The following RYR1 variants were observed in gnomAD, a reference collection of about 807,000 sequenced individuals.
RYR1 encodes the protein central core disease of muscle.
Under a neutral mutation model 583.5 loss-of-function variants are expected in RYR1, and 342 were observed. The observed-to-expected ratio is 0.59, with a 90% CI of 0.54 to 0.64. The LOEUF is 0.64. Ranked by LOEUF, RYR1 falls within the 30% of genes least tolerant of loss-of-function variation. The pLI is 0.00. For synonymous variants in RYR1, 2,791 were observed against 2,822.5 expected (o/e 0.99, Z 0.35); for missense variants, 6,032 against 6,917.2 (o/e 0.87, Z 4.54).
In RYR1 at chr19:38,518,401, TAA is replaced by T. The variant is rs10714494; in HGVS notation, c.10018+731_10018+732del. On this transcript the variant is annotated intron_variant, in intron 66 of 105. Transcript: ENST00000359596. ...ATGGTGAAACCTCGTCTCTATTATT[TAA>T]AAAAAAAAAAAAAAAAAAAAGAAAT... Among the ~76,000 whole-genome samples, 574 of 113,782 alleles carry T rather than the reference TAA, an allele frequency of 5.0e-3. 3 individuals carry two copies. The highest frequency in any genetic ancestry group is 0.017 in the African/African-American group (500 of 29,930). The allele number at this position is 113,782 out of a possible 152,430, so 74.6% of individuals were successfully genotyped here. A position where few individuals can be genotyped will look rare whatever the true frequency, so the allele number is the denominator to read the frequency against.
chr19:38,532,862 C>A, intron 78 of RYR1, 126 bp downstream of exon 78: 1 of 929,544 alleles, frequency 1.1e-6, no homozygotes, highest in Non-Finnish European at 1.7e-6. Context: ...AGTCAGTCCA[C>A]TGGGGAGACA....
intron 87 of RYR1, 145 bp downstream of exon 87, chr19:38,544,020 C>T: frequency 1.2e-6 from 1 of 802,546 alleles, no homozygotes; most frequent in South Asian, 1.5e-5. Flanking sequence ...CAAATCCATC[C>T]TCTTTCTGGA....
At chr19:38,463,980 A>G (rs538622721) in intron 22 of RYR1, 130 bp downstream of exon 22, 2 of 769,014 alleles carry the variant, frequency 2.6e-6, no homozygotes, top group East Asian at 5.3e-5. Flanking sequence ...TGTGAGACAT[A>G]AACAAATGGG....
intron 67 of RYR1, among the ~76,000 whole-genome samples, chr19:38,521,334 A>G (rs1421460420): frequency 6.6e-6 from 1 of 151,214 alleles, no homozygotes; most frequent in Non-Finnish European, 1.5e-5. Context: ...AATGAATAAA[A>G]TAAAATATGT....
intron 63 of RYR1, 60 bp from the exon 64 acceptor site, chr19:38,514,966 G>C (rs1015920266): frequency 2.1e-5 from 24 of 1,140,534 alleles, no homozygotes; most frequent in Non-Finnish European, 3.0e-5. Flanking sequence ...CAAGGGAGGT[G>C]GGGTGGGGAG....
intron 22 of RYR1, 60 bp downstream of exon 22, chr19:38,463,910 C>T (rs1568459045): frequency 3.3e-6 from 4 of 1,216,818 alleles, no homozygotes; most frequent in East Asian, 2.3e-5. Flanking sequence ...GGGAGGGAGG[C>T]ATGGAGAGAC....
At chr19:38,518,911 G>A (rs1244161868) in intron 66 of RYR1, among the ~76,000 whole-genome samples, 2 of 151,002 alleles carry the variant, frequency 1.3e-5, no homozygotes, top group Non-Finnish European at 1.5e-5. Context: ...TGGGTGACAA[G>A]AGTGAAACTC....
At position 38,576,908 on chromosome 19, in the gene RYR1, C is replaced by T. The variant is rs866580017; in HGVS notation, c.14172+947C>T. Among the ~76,000 whole-genome samples the T allele has an allele frequency of 3.3e-5, 5 of 152,106 alleles. 1 individual carries two copies. The highest frequency in any genetic ancestry group is 9.6e-5 in the African/African-American group (4 of 41,532). ...TTTTCTTTTGTTTTTTTCTTTGAGA[C>T]GGAGTCTCGCTCTGTTACCCAGTCT... is the stretch of plus-strand genomic sequence containing the variant. On this transcript the variant is annotated intron_variant, in intron 97 of 105. Coordinates refer to ENST00000359596, the MANE Select transcript of RYR1 (RefSeq NM_000540.3).
At chr19:38,445,634 T>C (rs1013484869) in intron 7 of RYR1, among the ~76,000 whole-genome samples, 1 of 151,912 alleles carries the variant, frequency 6.6e-6, no homozygotes, top group Non-Finnish European at 1.5e-5. Context: ...AGCTCAGACT[T>C]CCAAACCCTA....
intron 65 of RYR1, among the ~76,000 whole-genome samples, chr19:38,516,605 T>C (rs1314866277): frequency 6.6e-6 from 1 of 151,992 alleles, no homozygotes; most frequent in Non-Finnish European, 1.5e-5. Context: ...TCCATGGAAT[T>C]TGGAGCTATG....
At chr19:38,510,819 TCA>T (rs1970694320) in intron 60 of RYR1, 38 bp downstream of exon 60, 2 of 1,613,392 alleles carry the variant, frequency 1.2e-6, no homozygotes, top group South Asian at 2.2e-5. Flanking sequence ...CCCCCTGACC[TCA>T]CAGGATTGTA....
At position 38,516,225 on chromosome 19, in the gene RYR1, G is replaced by C; in HGVS notation, c.9685+8G>C. On this transcript the variant is annotated splice_region_variant and intron_variant, in intron 65 of 105. Coordinates refer to ENST00000359596, the MANE Select transcript of RYR1 (RefSeq NM_000540.3). ...CTCCGCGGGAGCGGGCCAGTAAGCT[G>C]TGTGGGGCGGGAGCAGTGCTGGGAG... 6.3e-7 allele frequency: 1 copy of C among 1,585,092 alleles called. No individual in the cohort carries two copies. Among genetic ancestry groups the C allele is most frequent in the Non-Finnish European group, 8.6e-7 (1 of 1,165,460 alleles).
At chr19:38,505,759 C>T (rs374142704) in intron 53 of RYR1, 47 bp from the exon 54 acceptor site, 2 of 1,612,734 alleles carry the variant, frequency 1.2e-6, no homozygotes, top group African/African-American at 2.7e-5. Context: ...TCCTCCACCC[C>T]TCTCTCATCC....
rs757715804 is a variant in RYR1, at chr19:38,466,275, C to T, written c.3055C>T (p.Arg1019Trp). ...GGACATCCCAGCGCGCCGAAACCCT[C>T]GGCTGGTGCCCTACCGCCTGCTGGA... Reference protein sequence around the residue: ...VQDIPARRNPRLVPYRLLDEA... With the variant: ...VQDIPARRNPWLVPYRLLDEA... The change falls in exon 24 of 106, where the codon CGG (arginine) becomes TGG (tryptophan). Residue 1019 changes from arginine to tryptophan, a missense_variant. By Grantham distance (101) the Arg-to-Trp change is moderately radical (BLOSUM62 -3). Coordinates refer to ENST00000359596, the MANE Select transcript of RYR1 (RefSeq NM_000540.3). 9.9e-6 allele frequency: 16 copies of T among 1,612,846 alleles called. No homozygotes were observed. Among genetic ancestry groups the T allele is most frequent in the Admixed American group, 1.7e-5 (1 of 59,988 alleles).
At chr19:38,455,425 G>A (rs367656474) in intron 14 of RYR1, 26 bp from the exon 15 acceptor site, 257 of 1,613,936 alleles carry the variant, frequency 1.6e-4, no homozygotes, top group Non-Finnish European at 2.1e-4. Context: ...CAGTCCTATT[G>A]GATCTGACAC....
At position 38,500,032 on chromosome 19, in the gene RYR1, A is replaced by G; in HGVS notation, c.7323+16A>G. On this transcript the variant is annotated intron_variant, in intron 45 of 105. Coordinates refer to ENST00000359596, the MANE Select transcript of RYR1 (RefSeq NM_000540.3). The surrounding 1 kb of genome is among the most constrained non-coding windows in gnomAD (Gnocchi z 5.9). ...AGAGATGCATGTGAGACCCTGAGCC[A>G]GGGCAGGATGGGAAGGGAGGGCAGG... The G allele has an allele frequency of 6.2e-7, 1 of 1,611,798 alleles. No individual in the cohort carries two copies. The highest frequency in any genetic ancestry group is 8.5e-7 in the Non-Finnish European group (1 of 1,178,096).
rs539947323 is a variant in RYR1 at position 38,548,466 on chromosome 19, C to T, written c.12282+46C>T. 52 of 1,591,162 alleles carry T rather than the reference C, an allele frequency of 3.3e-5. No individual in the cohort carries two copies. In the South Asian group the frequency reaches 5.2e-4, roughly 16 times the overall value. On this transcript the variant is annotated intron_variant, in intron 89 of 105. Transcript: ENST00000359596. ...GGGCCCAGGACTTGGGTGGGGTTGC[C>T]AAGGGCCAGCCATACCCTTCTGGCT...
intron 12 of RYR1, among the ~76,000 whole-genome samples, chr19:38,452,438 TA>T (rs1967125073): frequency 6.6e-6 from 1 of 151,842 alleles, no homozygotes; most frequent in Admixed American, 6.6e-5. Flanking sequence ...CAAAAAATAA[TA>T]ACAATAATAT....
At chr19:38,477,601 G>C in intron 29 of RYR1, 109 bp from the exon 30 acceptor site, 2 of 1,406,404 alleles carry the variant, frequency 1.4e-6, no homozygotes, top group Non-Finnish European at 2.0e-6. Flanking sequence ...ACAACTTCCT[G>C]TTAAACTCCC....
Sources: allele counts gnomAD v4.1 joint callset (sites outside exome capture counted in the v4.1 genomes callset), GRCh38; gene constraint gnomAD v4.1.1; non-coding constraint Gnocchi (gnomAD v3.1); transcripts MANE v1.5; gene names NCBI Gene and HGNC (gene_info 2026-07-23, HGNC 2026-07-21).